Variants in PCDHGB6 observed in about 807,000 individuals in gnomAD.
The protein encoded by PCDHGB6 is protocadherin gamma subfamily B, 6, also known as protocadherin gamma-B6.
Under a neutral mutation model 59.1 loss-of-function variants are expected in PCDHGB6, and 51 were observed. The ratio of observed to expected loss-of-function variants is 0.86; its 90% CI spans 0.69 to 1.09. PCDHGB6 has a LOEUF of 1.09. PCDHGB6 is among the 50% of genes least tolerant of loss of function. PCDHGB6 has a pLI of 0.00. For missense variants in PCDHGB6, 1,148 were observed against 1,205.1 expected (o/e 0.95, Z 0.70); for synonymous variants, 466 against 495.1 (o/e 0.94, Z 0.78).
intron 3 of PCDHGB6, among the ~76,000 whole-genome samples, chr5:141,510,553 A>G (rs1471878583): frequency 6.6e-6 from 1 of 152,162 alleles, no homozygotes; most frequent in Non-Finnish European, 1.5e-5. Context: ...TGTTTTGAGC[A>G]CTTACATCTA....
At chr5:141,422,690 T>G (rs1384522137) in intron 1 of PCDHGB6, 1 of 1,603,908 alleles carries the variant, frequency 6.2e-7, no homozygotes, top group Admixed American at 1.7e-5. Context: ...AATGCCCTGG[T>G]CACTTACTCT....
At chr5:141,435,214 A>C (rs1314928643) in intron 1 of PCDHGB6, among the ~76,000 whole-genome samples, 1 of 152,176 alleles carries the variant, frequency 6.6e-6, no homozygotes, top group Non-Finnish European at 1.5e-5. Flanking sequence ...AAGTGAATTT[A>C]CTTTCTTTCA....
chr5:141,410,447 C>G lies in PCDHGB6; in HGVS notation c.2245C>G (p.Pro749Ala), dbSNP rs760711107. The change falls in exon 1 of 4, where the codon CCT (proline) becomes GCT (alanine). Residue 749 changes from proline (P) to alanine (A), a missense_variant. Physicochemically the swap from Pro to Ala is conservative, Grantham distance 27 (BLOSUM62 -1). Coordinates refer to ENST00000520790, the MANE Select transcript of PCDHGB6 (RefSeq NM_018926.3). ...VPPNYSEGTL[P>A]YSYNLCIAHT... ...CCCCAACTACAGTGAGGGGACTTTGCCTTATTCTTATAATCTGTGCATTGC... is the reference window on the plus strand; with the variant it reads ...CCCCAACTACAGTGAGGGGACTTTGGCTTATTCTTATAATCTGTGCATTGC... 2 of 1,613,984 alleles carry G rather than the reference C, an allele frequency of 1.2e-6. No individual in the cohort carries two copies. Among genetic ancestry groups the G allele is most frequent in the Non-Finnish European group, 1.7e-6 (2 of 1,179,890 alleles).
Position 141,476,556 on chromosome 5 carries a change from C to A in PCDHGB6, c.2419-18251C>A. 1 of 1,614,234 alleles carries A rather than the reference C, an allele frequency of 6.2e-7. No homozygotes were observed. Among genetic ancestry groups the A allele is most frequent in the Non-Finnish European group, 8.5e-7 (1 of 1,180,036 alleles). ...GAAATGAAATTGGAGATTAGCGAGG[C>A]CGTGGCTCCGGGGACGCGCTTTCCG... On this transcript the variant is annotated intron_variant, in intron 1 of 3. Coordinates refer to ENST00000520790, the MANE Select transcript of PCDHGB6 (RefSeq NM_018926.3). The surrounding 1 kb of genome is among the most constrained non-coding windows in gnomAD (Gnocchi z 7.6).
Position 141,408,618 on chromosome 5 carries a change from A to C in PCDHGB6, c.416A>C (p.His139Pro), listed in dbSNP as rs1264915663. The C allele has an allele frequency of 6.2e-7, 1 of 1,614,024 alleles. No homozygotes were observed. Among genetic ancestry groups the C allele is most frequent in the Admixed American group, 1.7e-5 (1 of 60,032 alleles). Residue 139 changes from histidine to proline, a missense_variant, in exon 1 of 4, where the codon CAT becomes CCT. Physicochemically the swap from His to Pro is moderately conservative, Grantham distance 77. Transcript: ENST00000520790. ...CCTCAATTTGATAAAAAGGAAATAC[A>C]TTTAGAAATTTTCGAATCTGCATCC... ...HAPQFDKKEI[H>P]LEIFESASAG...
Position 141,409,596 on chromosome 5 carries a change from A to G in PCDHGB6, c.1394A>G (p.Asn465Ser). 6.2e-7 allele frequency: 1 copy of G among 1,613,714 alleles called. No homozygotes were observed. The highest frequency in any genetic ancestry group is 8.5e-7 in the Non-Finnish European group (1 of 1,179,888). ...TSYVVHVAEN[N>S]PPGASIAQVS... ...TACGTGGTCCACGTGGCCGAGAACA[A>G]CCCGCCAGGAGCCTCCATTGCGCAA... is the stretch of plus-strand genomic sequence containing the variant. Residue 465 changes from asparagine to serine, a missense_variant, in exon 1 of 4, where the codon AAC becomes AGC. Around this residue, in one of 5 missense-constraint regions of PCDHGB6, gnomAD observed 549 missense variants for 527.5 expected, o/e 1.04. Transcript: ENST00000520790.
chr5:141,475,715 C>A (rs989484033), intron 1 of PCDHGB6, among the ~76,000 whole-genome samples: 3 of 152,366 alleles, frequency 2.0e-5, no homozygotes, highest in South Asian at 4.1e-4. Context: ...AGCCTCACAG[C>A]CCCAAGGCTG....
intron 1 of PCDHGB6, among the ~76,000 whole-genome samples, chr5:141,480,704 G>A (rs545986902): frequency 8.5e-5 from 13 of 152,206 alleles, no homozygotes; most frequent in East Asian, 5.8e-4. Flanking sequence ...GCCACACCCC[G>A]ACAAATGAAA....
intron 1 of PCDHGB6, chr5:141,440,945 A>T (rs1210278728): frequency 2.6e-5 from 4 of 152,234 alleles, no homozygotes; most frequent in African/African-American, 9.7e-5. Flanking sequence ...CCAGGACTAG[A>T]GTGTCAAGGC....
Position 141,476,443 on chromosome 5 carries a change from G to A in PCDHGB6, c.2419-18364G>A, listed in dbSNP as rs752285213. 1 of 1,614,044 alleles carries A rather than the reference G, an allele frequency of 6.2e-7. No individual in the cohort carries two copies. The highest frequency in any genetic ancestry group is 8.5e-7 in the Non-Finnish European group (1 of 1,180,038). ...TGCCCTCTTGCACTGTAACTCTGGAGTTGGTAGTGGAGAACCCGCTGGAGC... is the reference window on the plus strand; with the variant it reads ...TGCCCTCTTGCACTGTAACTCTGGAATTGGTAGTGGAGAACCCGCTGGAGC... On this transcript the variant is annotated intron_variant, in intron 1 of 3. Transcript: ENST00000520790. This position sits in a 1 kb window ranked among gnomAD's most constrained non-coding sequence, Gnocchi z 7.6.
intron 1 of PCDHGB6, chr5:141,422,668 G>A: frequency 6.2e-7 from 1 of 1,607,686 alleles, no homozygotes; most frequent in Non-Finnish European, 8.5e-7. Context: ...CCTCGACCCG[G>A]ACAGCAAACA....
At chr5:141,463,738 G>C (rs1002263384) in intron 1 of PCDHGB6, among the ~76,000 whole-genome samples, 1 of 151,978 alleles carries the variant, frequency 6.6e-6, no homozygotes, top group East Asian at 1.9e-4. Flanking sequence ...GAGCCACCGC[G>C]CCCGGCCTGC....
chr5:141,475,870 C>CAGTT, intron 1 of PCDHGB6: 1 of 511,190 alleles, frequency 2.0e-6, no homozygotes, highest in East Asian at 3.3e-5. Context: ...ATTCTTCGTG[C>CAGTT]AGTTATTGGC....
At chr5:141,507,132 C>T (rs748716107) in intron 3 of PCDHGB6, 2 of 152,188 alleles carry the variant, frequency 1.3e-5, no homozygotes, top group African/African-American at 2.4e-5. Flanking sequence ...GATCCAGCCT[C>T]GGCTTCTCTA....
At chr5:141,415,416 G>C (rs747598923) in intron 1 of PCDHGB6, 3 of 1,614,220 alleles carry the variant, frequency 1.9e-6, no homozygotes, top group Non-Finnish European at 2.5e-6. Flanking sequence ...TTGTGGGCGT[G>C]GACGGGGTTC....
chr5:141,434,564 A>C (rs2097703207), intron 1 of PCDHGB6, among the ~76,000 whole-genome samples: 1 of 152,228 alleles, frequency 6.6e-6, no homozygotes, highest in Admixed American at 6.5e-5. Context: ...CCTTAAGGAC[A>C]TGCCCCTGCT....
Position 141,432,410 on chromosome 5 carries a change from T to C in PCDHGB6, c.2418+21790T>C. On this transcript the variant is annotated intron_variant, in intron 1 of 3. Transcript: ENST00000520790. This position sits in a 1 kb window ranked among gnomAD's most constrained non-coding sequence, Gnocchi z 6.0. The stretch of plus-strand genomic sequence containing the variant: ...CAGCAGCAACGTGTCGTTGAGCCTG[T>C]TCGTGCTGGACCAGAACGACAATGC... 6.2e-7 allele frequency: 1 copy of C among 1,614,228 alleles called. No homozygotes were observed. Among genetic ancestry groups the C allele is most frequent in the East Asian group, 2.2e-5 (1 of 44,884 alleles).
At chr5:141,499,184 A>G (rs2099789986) in intron 2 of PCDHGB6, among the ~76,000 whole-genome samples, 1 of 151,726 alleles carries the variant, frequency 6.6e-6, no homozygotes, top group African/African-American at 2.4e-5. Context: ...CCAGCAAACC[A>G]TTTCCCCCTT....
rs773484841 is a variant in PCDHGB6 at position 141,432,092 on chromosome 5, A to G, written c.2418+21472A>G. 4.3e-6 allele frequency: 7 copies of G among 1,614,104 alleles called. No individual in the cohort carries two copies. The East Asian group carries it at 1.6e-4, about 36-fold the overall frequency. On this transcript the variant is annotated intron_variant, in intron 1 of 3. Transcript: ENST00000520790. The surrounding 1 kb of genome is among the most constrained non-coding windows in gnomAD (Gnocchi z 6.0). Reference sequence around the variant, plus strand: ...TCATATCTCGCTGAACGTGGCAGACACCAACGACAACCCGCCGGTCTTCCC... The same window carrying G: ...TCATATCTCGCTGAACGTGGCAGACGCCAACGACAACCCGCCGGTCTTCCC...
Sources: gnomAD v4.1 joint callset for allele counts (sites outside exome capture counted in the v4.1 genomes callset) on GRCh38, gnomAD v4.1.1 for gene constraint, gnomAD v4.1.1 regional missense constraint, Gnocchi (gnomAD v3.1) non-coding constraint, MANE v1.5 for transcripts, NCBI Gene and HGNC (gene_info 2026-07-23, HGNC 2026-07-21) for gene names.